The following ARHGAP29 variants were observed in gnomAD, a reference collection of about 807,000 sequenced individuals.
ARHGAP29 encodes the protein rho GTPase-activating protein 29.
A neutral mutation model predicts 122.6 loss-of-function variants in ARHGAP29; 43 were observed. That is an observed-to-expected ratio of 0.35 (90% CI 0.27 to 0.45). The LOEUF (loss-of-function observed/expected upper bound fraction) is 0.45. Ranked by LOEUF, ARHGAP29 falls within the 20% of genes least tolerant of loss-of-function variation. The pLI, the probability that ARHGAP29 is intolerant of heterozygous loss-of-function variation, is 1.00. For missense variants in ARHGAP29, 1,303 were observed against 1,477.2 expected, an observed-to-expected ratio of 0.88 and a Z score of 1.93; for synonymous variants, 506 against 497.1, an observed-to-expected ratio of 1.02 and a Z score of -0.24.
At chr1:94,237,585 G>A, upstream of ARHGAP29, 3 of 989,574 alleles carry the variant, frequency 3.0e-6, no homozygotes, top group Non-Finnish European at 3.6e-6. Context: ...CACCACCACT[G>A]CAGCCGCCAC....
At position 94,173,722 on chromosome 1, in the gene ARHGAP29, C is replaced by T. The variant is rs544158335; in HGVS notation, c.*147G>A. 1.1e-6 allele frequency: 1 copy of T among 921,036 alleles called. No homozygotes were observed. The highest frequency in any genetic ancestry group is 1.8e-5 in the South Asian group (1 of 56,026). The allele number at this position is 921,036 out of a possible 1,614,324, so 57.1% of individuals were successfully genotyped here. On this transcript the variant is annotated 3_prime_UTR_variant, in exon 23 of 23. Transcript: ENST00000260526. ...ACATTCTACCATTCAGTATTACCAA[C>T]AGAGGATAAATACAACAACAAAAGG... is the stretch of plus-strand genomic sequence containing the variant.
At chr1:94,254,097 A>G (rs571759374) in intron 1 of ARHGAP29, among the ~76,000 whole-genome samples, 1 of 152,238 alleles carries the variant, frequency 6.6e-6, no homozygotes, top group Non-Finnish European at 1.5e-5. Context: ...AGAAGAAGGC[A>G]AATACAAGTT....
intron 2 of ARHGAP29, among the ~76,000 whole-genome samples, chr1:94,226,759 T>G (rs1652636808): frequency 6.6e-6 from 1 of 151,810 alleles, no homozygotes; most frequent in South Asian, 2.1e-4. Context: ...AAAGATTCAT[T>G]TCATAACTTC....
intron 2 of ARHGAP29, 26 bp from the exon 3 acceptor site, chr1:94,220,418 A>T (rs745534932): frequency 6.5e-7 from 1 of 1,541,820 alleles, no homozygotes. Flanking sequence ...AAAATAATTT[A>T]TTTCCAGAGC....
chr1:94,180,285 A>T (rs746868271), intron 19 of ARHGAP29, among the ~76,000 whole-genome samples: 1 of 152,212 alleles, frequency 6.6e-6, no homozygotes, highest in Non-Finnish European at 1.5e-5. Context: ...TATGATCTTC[A>T]ACTCTTTTAT....
intron 1 of ARHGAP29, among the ~76,000 whole-genome samples, chr1:94,235,069 G>C (rs1653167152): frequency 6.6e-6 from 1 of 152,038 alleles, no homozygotes; most frequent in Non-Finnish European, 1.5e-5. Context: ...CAAACACATG[G>C]CAAGGAGAAG....
intron 1 of ARHGAP29, among the ~76,000 whole-genome samples, chr1:94,261,090 C>T (rs567333364): frequency 1.3e-5 from 2 of 152,260 alleles, no homozygotes; most frequent in South Asian, 4.2e-4. Context: ...CTACCGAATT[C>T]CATCAGATTG....
chr1:94,313,749 G>T, the ARHGAP29 span, among the ~76,000 whole-genome samples: 1 of 152,154 alleles, frequency 6.6e-6, no homozygotes, highest in Admixed American at 6.5e-5. Context: ...GTGATAGACT[G>T]GATTAAGAAA....
chr1:94,291,719 T>G, the ARHGAP29 span, among the ~76,000 whole-genome samples: 183 of 152,288 alleles, frequency 1.2e-3, no homozygotes, highest in African/African-American at 4.2e-3. Flanking sequence ...GAAGCTTAGT[T>G]TGGCTGGATA....
At chr1:94,270,774 G>C (rs956943186) in intron 1 of ARHGAP29, among the ~76,000 whole-genome samples, 1 of 152,218 alleles carries the variant, frequency 6.6e-6, no homozygotes, top group African/African-American at 2.4e-5. Context: ...GCTACCATCA[G>C]AGACGAACTT....
rs7530792 is a variant in ARHGAP29, at chr1:94,219,011, C to G, written c.340+1247G>C. 9.7e-3 allele frequency among the ~76,000 whole-genome samples: 1,483 copies of G among 152,170 alleles called. 20 individuals are homozygous for G. The highest frequency in any genetic ancestry group is 0.034 in the African/African-American group (1,412 of 41,504). ...TAATGCCTACTTGACCTTTTCGACT[C>G]AGGACCGGCAATCCCTTTCCCCAAA... On this transcript the variant is annotated intron_variant, in intron 3 of 22. Transcript: ENST00000260526.
intron 3 of ARHGAP29, among the ~76,000 whole-genome samples, chr1:94,217,855 A>C (rs946683795): frequency 4.7e-4 from 3 of 6,394 alleles, no homozygotes; most frequent in African/African-American, 3.3e-4. Context: ...TCTCTTAAAA[A>C]AAAACAAAAA....
chr1:94,258,256 T>C (rs1471246119), intron 1 of ARHGAP29, among the ~76,000 whole-genome samples: 2 of 152,258 alleles, frequency 1.3e-5, no homozygotes, highest in Non-Finnish European at 2.9e-5. Context: ...TGTGCCAATT[T>C]GTACATTACA....
chr1:94,203,592 C>T (rs1186252024), intron 8 of ARHGAP29, among the ~76,000 whole-genome samples: 1 of 151,936 alleles, frequency 6.6e-6, no homozygotes, highest in Non-Finnish European at 1.5e-5. Flanking sequence ...AAAAATTAGC[C>T]AGGGCATGGT....
At chr1:94,292,035 C>A in the ARHGAP29 span, among the ~76,000 whole-genome samples, 1 of 152,160 alleles carries the variant, frequency 6.6e-6, no homozygotes, top group Non-Finnish European at 1.5e-5. Context: ...TGGATAATAT[C>A]CTGAAGAGTG....
chr1:94,272,799 C>T (rs1476596979), intron 1 of ARHGAP29, among the ~76,000 whole-genome samples: 1 of 152,148 alleles, frequency 6.6e-6, no homozygotes, highest in Non-Finnish European at 1.5e-5. Context: ...CCCCTGTATC[C>T]TTCATGGGCT....
intron 1 of ARHGAP29, among the ~76,000 whole-genome samples, chr1:94,267,165 G>A (rs2100726018): frequency 6.6e-6 from 1 of 152,314 alleles, no homozygotes; most frequent in South Asian, 2.1e-4. Context: ...CTACAAAGGA[G>A]TCTCAAAGTA....
chr1:94,308,422 G>A, the ARHGAP29 span, among the ~76,000 whole-genome samples: 4 of 152,090 alleles, frequency 2.6e-5, no homozygotes, highest in Non-Finnish European at 5.9e-5. Flanking sequence ...ACAATTTGTT[G>A]CAAAAAGCCA....
intron 3 of ARHGAP29, among the ~76,000 whole-genome samples, chr1:94,212,556 A>G (rs1651703737): frequency 6.6e-6 from 1 of 152,224 alleles, no homozygotes; most frequent in Admixed American, 6.5e-5. Flanking sequence ...AACCCTATCC[A>G]AAATTGTATA....
Sources: gnomAD v4.1 joint callset for allele counts (sites outside exome capture counted in the v4.1 genomes callset) on GRCh38, gnomAD v4.1.1 for gene constraint, MANE v1.5 for transcripts, NCBI Gene and HGNC (gene_info 2026-07-23, HGNC 2026-07-21) for gene names.